Variants in CHD6 observed in about 807,000 individuals in gnomAD.
The protein encoded by CHD6 is chromodomain helicase DNA binding protein 6.
CHD6 carries 50 observed loss-of-function variants against 276.9 expected under a neutral mutation model. The ratio of observed to expected loss-of-function variants is 0.18; its 90% confidence interval spans 0.14 to 0.23. The LOEUF is 0.23. Ranked by LOEUF, CHD6 falls within the 10% of genes least tolerant of loss-of-function variation. CHD6 has a pLI of 1.00. For missense variants in CHD6, 2,564 were observed against 3,365.8 expected (o/e 0.76, Z 5.89); for synonymous variants, 1,173 against 1,229.3 (o/e 0.95, Z 0.96).
intron 3 of CHD6, among the ~76,000 whole-genome samples, chr20:41,515,342 A>G (rs2044224269): frequency 6.6e-6 from 1 of 152,172 alleles, no homozygotes; most frequent in Non-Finnish European, 1.5e-5. Context: ...TCTGTCACCA[A>G]CCTCTATTGA....
At chr20:41,534,309 A>G (rs1201207264) in intron 2 of CHD6, among the ~76,000 whole-genome samples, 1 of 152,194 alleles carries the variant, frequency 6.6e-6, no homozygotes, top group African/African-American at 2.4e-5. Context: ...TAGAAACAGC[A>G]CCATTTGTGA....
chr20:41,444,416 C>A (rs2047999978), intron 25 of CHD6, among the ~76,000 whole-genome samples: 1 of 152,194 alleles, frequency 6.6e-6, no homozygotes, highest in Non-Finnish European at 1.5e-5. Flanking sequence ...GCAGACAGTG[C>A]AGAATTAGGG....
chr20:41,509,607 C>A (rs1042057064), intron 5 of CHD6, among the ~76,000 whole-genome samples: 17 of 152,146 alleles, frequency 1.1e-4, no homozygotes, highest in African/African-American at 1.9e-4. Flanking sequence ...CAGGAGAGCA[C>A]CACGAGCCAA....
Position 41,484,418 on chromosome 20 carries a change from T to G in CHD6, c.2191A>C (p.Met731Leu). 6 of 1,613,876 alleles carry G rather than the reference T, an allele frequency of 3.7e-6. No homozygotes were observed. Among genetic ancestry groups the G allele is most frequent in the Non-Finnish European group, 5.1e-6 (6 of 1,179,830 alleles). The change falls in exon 15 of 37, where the codon ATG becomes CTG. Residue 731 changes from methionine (M) to leucine (L), a missense_variant. By Grantham distance (15) the Met-to-Leu change is conservative (BLOSUM62 2). Transcript: ENST00000373233. ...ATCATGGTGTTGATGAGATTGGGCATGTTGTGCTGATTTGCCCCCTTGGTC... is the reference window on the plus strand; with the variant it reads ...ATCATGGTGTTGATGAGATTGGGCAGGTTGTGCTGATTTGCCCCCTTGGTC... ...FLTKGANQHN[M>L]PNLINTMMEL...
intron 34 of CHD6, chr20:41,414,717 A>C: frequency 1.9e-6 from 1 of 535,500 alleles, no homozygotes; most frequent in African/African-American, 2.0e-5. Context: ...CACTTTACAC[A>C]GGAGCAAAGT....
At chr20:41,474,433 G>A (rs180843552) in intron 16 of CHD6, among the ~76,000 whole-genome samples, 2 of 152,254 alleles carry the variant, frequency 1.3e-5, no homozygotes, top group Admixed American at 6.5e-5. Context: ...GCTGCTGGGC[G>A]TCTTATTCTT....
chr20:41,420,627 C>T lies in CHD6; in HGVS notation c.6008G>A (p.Ser2003Asn). Residue 2003 changes from serine to asparagine, a missense_variant, in exon 31 of 37, where the codon AGT (serine) becomes AAT (asparagine). By Grantham distance (46) the Ser-to-Asn change is conservative. Coordinates refer to ENST00000373233, the MANE Select transcript of CHD6 (RefSeq NM_032221.5). ...HELLKEPWKE[S>N]AEGQNVFPTY... ...GGGGAAAACGTTTTGCCCCTCTGCACTTTCTTTCCAAGGTTCTTTTAAAAG... is the reference window on the plus strand; with the variant it reads ...GGGGAAAACGTTTTGCCCCTCTGCATTTTCTTTCCAAGGTTCTTTTAAAAG... 1.2e-6 allele frequency: 2 copies of T among 1,614,240 alleles called. No homozygotes were observed. The highest frequency in any genetic ancestry group is 1.7e-6 in the Non-Finnish European group (2 of 1,180,044).
rs201725894 is a variant in CHD6, at chr20:41,591,379, T to TACACACACACACAC, written c.-24+26947_-24+26960dup. Among the ~76,000 whole-genome samples, 69 of 144,180 alleles carry TACACACACACACAC rather than the reference T, an allele frequency of 4.8e-4. 1 individual carries two copies. The highest frequency in any genetic ancestry group is 1.6e-3 in the African/African-American group (64 of 39,106). 94.6% of individuals were successfully genotyped at this position (144,180 alleles called of 152,430 possible). A position where few individuals can be genotyped will look rare whatever the true frequency, so the allele number is the denominator to read the frequency against. The stretch of plus-strand genomic sequence containing the variant: ...GTATAATTTTACATATATATATATA[T>TACACACACACACAC]ACACACACACACACACACACACACA... On this transcript the variant is annotated intron_variant, in intron 1 of 36. Coordinates refer to ENST00000373233, the MANE Select transcript of CHD6 (RefSeq NM_032221.5).
intron 1 of CHD6, among the ~76,000 whole-genome samples, chr20:41,563,307 T>A (rs1568704645): frequency 6.6e-6 from 1 of 152,222 alleles, no homozygotes; most frequent in Non-Finnish European, 1.5e-5. Context: ...TTTTACTCAC[T>A]GAATGACTCT....
At chr20:41,562,116 A>G (rs2045308238) in intron 1 of CHD6, among the ~76,000 whole-genome samples, 1 of 152,144 alleles carries the variant, frequency 6.6e-6, no homozygotes, top group Non-Finnish European at 1.5e-5. Context: ...ACAAAACAAA[A>G]AAAAAACTCT....
chr20:41,481,247 G>A (rs1053595619), intron 16 of CHD6, among the ~76,000 whole-genome samples: 5 of 151,696 alleles, frequency 3.3e-5, no homozygotes, highest in Non-Finnish European at 7.4e-5. Flanking sequence ...GTTGTTTTAA[G>A]ACAAAGATTT....
intron 1 of CHD6, among the ~76,000 whole-genome samples, chr20:41,552,128 G>A (rs559624865): frequency 6.6e-6 from 1 of 152,310 alleles, no homozygotes; most frequent in Admixed American, 6.5e-5. Context: ...GGGGCTGCCT[G>A]CATCACTAAC....
At chr20:41,426,496 A>G (rs1399015317) in intron 27 of CHD6, among the ~76,000 whole-genome samples, 1 of 152,138 alleles carries the variant, frequency 6.6e-6, no homozygotes, top group Non-Finnish European at 1.5e-5. Context: ...TTGCCTTACC[A>G]TCGTCACTTG....
chr20:41,511,088 T>C (rs1332027438), intron 5 of CHD6, among the ~76,000 whole-genome samples: 1 of 152,220 alleles, frequency 6.6e-6, no homozygotes, highest in Non-Finnish European at 1.5e-5. Flanking sequence ...GGGACAATAG[T>C]CCCTGCTCCC....
In CHD6 at chr20:41,533,416, G is replaced by T; in HGVS notation, c.188C>A (p.Thr63Asn). 6.2e-7 allele frequency: 1 copy of T among 1,614,108 alleles called. No homozygotes were observed. The highest frequency in any genetic ancestry group is 8.5e-7 in the Non-Finnish European group (1 of 1,180,016). Residue 63 changes from threonine to asparagine, a missense_variant, in exon 3 of 37, where the codon ACT becomes AAT. Thr to Asn is a moderately conservative substitution (Grantham distance 65). Coordinates refer to ENST00000373233, the MANE Select transcript of CHD6 (RefSeq NM_032221.5). Reference protein sequence around the residue: ...SHCLPQKDLYTAEEEAATLFP... With the variant: ...SHCLPQKDLYNAEEEAATLFP... ...AAGGGTAGCAGCTTCCTCTTCAGCA[G>T]TATACAGGTCCTTCTGAGGCAGACA... is the stretch of plus-strand genomic sequence containing the variant.
rs61756305 is a variant in CHD6, at chr20:41,425,276, A to G, written c.4248T>C (p.Pro1416=). The G allele has an allele frequency of 1.2e-6, 2 of 1,614,170 alleles. No individual in the cohort carries two copies. Among genetic ancestry groups the G allele is most frequent in the East Asian group, 4.5e-5 (2 of 44,876 alleles). Residue 1416 remains proline, a synonymous_variant, in exon 29 of 37, where the codon CCT becomes CCC. Coordinates refer to ENST00000373233, the MANE Select transcript of CHD6 (RefSeq NM_032221.5). ...QRCNRKELCR[P]EILGPGNQGY... ...CTTGGTTACCTGGTCCCAGAATTTC[A>G]GGCCGGCACAGTTCCTTGCGGTTGC...
At chr20:41,492,372 C>A (rs1262221063) in intron 10 of CHD6, among the ~76,000 whole-genome samples, 1 of 152,188 alleles carries the variant, frequency 6.6e-6, no homozygotes, top group Non-Finnish European at 1.5e-5. Flanking sequence ...TCTCGAGACA[C>A]CTCTATCTAC....
chr20:41,568,947 C>A (rs2045387674), intron 1 of CHD6, among the ~76,000 whole-genome samples: 1 of 152,132 alleles, frequency 6.6e-6, no homozygotes, highest in African/African-American at 2.4e-5. Flanking sequence ...TTTTCAAACT[C>A]TGGATTTTTC....
At chr20:41,591,968 G>A (rs570676478) in intron 1 of CHD6, among the ~76,000 whole-genome samples, 1 of 152,032 alleles carries the variant, frequency 6.6e-6, no homozygotes, top group South Asian at 2.1e-4. Flanking sequence ...GTGTGGTGGC[G>A]TGTGCCTGTA....
Sources: gnomAD v4.1 joint callset for allele counts (sites outside exome capture counted in the v4.1 genomes callset) on GRCh38, gnomAD v4.1.1 for gene constraint, MANE v1.5 for transcripts, NCBI Gene and HGNC (gene_info 2026-07-23, HGNC 2026-07-21) for gene names.